The following MARCHF8 variants were observed in gnomAD, a reference collection of about 807,000 sequenced individuals.
MARCHF8 encodes E3 ubiquitin-protein ligase MARCHF8.
In MARCHF8, 40 loss-of-function variants were observed where a neutral mutation model predicts 51.6. The ratio of observed to expected loss-of-function variants is 0.77; its 90% CI spans 0.60 to 1.01. The LOEUF (loss-of-function observed/expected upper bound fraction) is 1.01, where lower values mean the gene tolerates loss of function less well. MARCHF8 is among the 50% of genes least tolerant of loss of function. The pLI is 0.00. For synonymous variants in MARCHF8, 263 were observed against 280.3 expected, an observed-to-expected ratio of 0.94 and a Z score of 0.62; for missense variants, 685 against 708.6, an observed-to-expected ratio of 0.97 and a Z score of 0.38.
intron 1 of MARCHF8, among the ~76,000 whole-genome samples, chr10:45,571,517 C>G (rs1468931421): frequency 6.6e-6 from 1 of 152,022 alleles, no homozygotes; most frequent in Non-Finnish European, 1.5e-5. Flanking sequence ...GATTAAAAAG[C>G]TTTATTGCTC....
intron 3 of MARCHF8, among the ~76,000 whole-genome samples, chr10:45,469,823 C>A (rs576679418): frequency 5.0e-5 from 7 of 138,796 alleles, no homozygotes; most frequent in African/African-American, 1.9e-4. Context: ...CGAGATCGCG[C>A]CACTGCACTC....
intron 1 of MARCHF8, among the ~76,000 whole-genome samples, chr10:45,577,564 G>T (rs2044504493): frequency 6.6e-6 from 1 of 152,040 alleles, no homozygotes; most frequent in African/African-American, 2.4e-5. Context: ...GAGCTAGTCA[G>T]CCCTTTTGCC....
chr10:45,486,823 T>C (rs911481309), intron 3 of MARCHF8, among the ~76,000 whole-genome samples: 1 of 150,086 alleles, frequency 6.7e-6, no homozygotes, highest in Non-Finnish European at 1.5e-5. Context: ...TTTTTTTTTT[T>C]TTTGAGACGG....
intron 1 of MARCHF8, among the ~76,000 whole-genome samples, chr10:45,549,776 A>C (rs938792221): frequency 6.6e-6 from 1 of 152,138 alleles, no homozygotes; most frequent in African/African-American, 2.4e-5. Flanking sequence ...ACAGAAGAAT[A>C]AGTTCAGCCT....
intron 3 of MARCHF8, among the ~76,000 whole-genome samples, chr10:45,474,512 C>A (rs1160570686): frequency 1.3e-5 from 2 of 151,902 alleles, no homozygotes; most frequent in African/African-American, 4.8e-5. Context: ...CTCTATCTCA[C>A]AAAGGGCCAT....
intron 3 of MARCHF8, among the ~76,000 whole-genome samples, chr10:45,479,174 G>C (rs1434913604): frequency 6.6e-6 from 1 of 152,210 alleles, no homozygotes; most frequent in East Asian, 1.9e-4. Context: ...TCCCTAGGAT[G>C]CAAGGGTCTT....
At position 45,533,105 on chromosome 10, in the gene MARCHF8, A is replaced by G. The variant is rs760445287; in HGVS notation, c.102+5T>C. On this transcript the variant is annotated splice_donor_5th_base_variant and intron_variant, in intron 2 of 7. Transcript: ENST00000453424. ...ATGAAACTAAAAAAGATACTCTCCC[A>G]GTACCTGTTCTTCCCTCTCCTTTTC... The G allele has an allele frequency of 6.3e-7, 1 of 1,598,596 alleles. No homozygotes were observed. The highest frequency in any genetic ancestry group is 8.5e-7 in the Non-Finnish European group (1 of 1,174,522).
intron 3 of MARCHF8, among the ~76,000 whole-genome samples, chr10:45,478,114 T>G (rs2042819612): frequency 6.6e-6 from 1 of 152,152 alleles, no homozygotes; most frequent in South Asian, 2.1e-4. Context: ...AATACACATT[T>G]CTCAGCACAC....
chr10:45,477,496 A>G (rs1174894890), intron 3 of MARCHF8, among the ~76,000 whole-genome samples: 1 of 152,230 alleles, frequency 6.6e-6, no homozygotes, highest in Admixed American at 6.5e-5. Context: ...AAACAATAAG[A>G]AAGAAGGAAA....
At chr10:45,500,702 T>C (rs1285170435) in intron 2 of MARCHF8, among the ~76,000 whole-genome samples, 1 of 152,014 alleles carries the variant, frequency 6.6e-6, no homozygotes, top group African/African-American at 2.4e-5. Context: ...ATAAAAGGCA[T>C]ATATATCAGA....
At chr10:45,498,639 C>A (rs1467466029) in intron 2 of MARCHF8, among the ~76,000 whole-genome samples, 1 of 152,106 alleles carries the variant, frequency 6.6e-6, no homozygotes, top group African/African-American at 2.4e-5. Context: ...CTACATCCAG[C>A]TAATTTTTGT....
intron 2 of MARCHF8, among the ~76,000 whole-genome samples, chr10:45,522,081 C>T (rs1471741360): frequency 6.6e-6 from 1 of 152,124 alleles, no homozygotes; most frequent in African/African-American, 2.4e-5. Flanking sequence ...ACAGTCCTCC[C>T]ACATTTTTCT....
intron 2 of MARCHF8, among the ~76,000 whole-genome samples, chr10:45,507,456 A>C (rs913384123): frequency 5.3e-5 from 8 of 152,134 alleles, no homozygotes; most frequent in African/African-American, 1.9e-4. Flanking sequence ...CTTCCCATTC[A>C]TGATACAGGG....
At chr10:45,544,502 G>A (rs910233100) in intron 1 of MARCHF8, among the ~76,000 whole-genome samples, 1 of 152,152 alleles carries the variant, frequency 6.6e-6, no homozygotes, top group Non-Finnish European at 1.5e-5. Context: ...AGATAAAAAT[G>A]TGGCTTATCT....
At chr10:45,478,870 G>A (rs2042833856) in intron 3 of MARCHF8, among the ~76,000 whole-genome samples, 1 of 151,932 alleles carries the variant, frequency 6.6e-6, no homozygotes, top group South Asian at 2.1e-4. Context: ...GTAATAAAAA[G>A]TCTCCTAACA....
intron 1 of MARCHF8, among the ~76,000 whole-genome samples, chr10:45,558,299 T>C (rs1466234870): frequency 1.3e-5 from 2 of 152,192 alleles, no homozygotes; most frequent in Non-Finnish European, 2.9e-5. Context: ...ACATTCATTC[T>C]ACAGCAAGAG....
At chr10:45,462,606 C>T (rs563450555) in intron 5 of MARCHF8, among the ~76,000 whole-genome samples, 127 of 151,326 alleles carry the variant, frequency 8.4e-4, no homozygotes, top group Admixed American at 1.6e-3. Flanking sequence ...TGTGTAGCTT[C>T]TTCCTCTTTT....
intron 1 of MARCHF8, among the ~76,000 whole-genome samples, chr10:45,582,387 A>G (rs2044565196): frequency 6.6e-6 from 1 of 152,174 alleles, no homozygotes; most frequent in South Asian, 2.1e-4. Context: ...TTTCCATATT[A>G]TCTTGTCTTT....
chr10:45,567,772 CTGT>C (rs1400008058), intron 1 of MARCHF8, among the ~76,000 whole-genome samples: 1 of 152,106 alleles, frequency 6.6e-6, no homozygotes, highest in African/African-American at 2.4e-5. Context: ...TCTGGGTCTT[CTGT>C]TGTTCCATAA....
Sources: allele counts gnomAD v4.1 joint callset (sites outside exome capture counted in the v4.1 genomes callset), GRCh38; gene constraint gnomAD v4.1.1; transcripts MANE v1.5; gene names NCBI Gene and HGNC (gene_info 2026-07-23, HGNC 2026-07-21).